Variants in LDB2 observed in about 807,000 individuals in gnomAD.
The protein encoded by LDB2 is LIM domain binding 2, also known as LIM domain-binding protein 2.
Under a neutral mutation model 44.3 loss-of-function variants are expected in LDB2, and 12 were observed. That is an observed-to-expected ratio of 0.27 (90% CI 0.17 to 0.44). The LOEUF (loss-of-function observed/expected upper bound fraction) is 0.44. LDB2 is among the 20% of genes least tolerant of loss of function. The pLI is 1.00. For missense variants in LDB2, 344 were observed against 473.5 expected (o/e 0.73, Z 2.54); for synonymous variants, 164 against 174.8 (o/e 0.94, Z 0.49).
chr4:16,795,388 C>A (rs1306699851), intron 1 of LDB2, among the ~76,000 whole-genome samples: 1 of 152,172 alleles, frequency 6.6e-6, no homozygotes, highest in East Asian at 1.9e-4. Flanking sequence ...CAGGAACGTG[C>A]AAGTGCAAGG....
At chr4:16,827,747 G>A (rs750764126) in intron 1 of LDB2, among the ~76,000 whole-genome samples, 2 of 152,120 alleles carry the variant, frequency 1.3e-5, no homozygotes, top group Non-Finnish European at 1.5e-5. Context: ...TTGCACATAT[G>A]TCTATGCTTT....
intron 2 of LDB2, among the ~76,000 whole-genome samples, chr4:16,668,389 A>T (rs1161675315): frequency 6.6e-6 from 1 of 152,166 alleles, no homozygotes; most frequent in African/African-American, 2.4e-5. Context: ...ACATAGCACA[A>T]GGTGAATCCC....
At chr4:16,839,573 G>A (rs550226336) in intron 1 of LDB2, among the ~76,000 whole-genome samples, 35 of 152,280 alleles carry the variant, frequency 2.3e-4, no homozygotes, top group African/African-American at 7.7e-4. Flanking sequence ...CTCATTCTAC[G>A]TGAGCAAACT....
chr4:16,869,317 A>C (rs1201461175), intron 1 of LDB2, among the ~76,000 whole-genome samples: 1 of 151,764 alleles, frequency 6.6e-6, no homozygotes, highest in Non-Finnish European at 1.5e-5. Context: ...AAAAAAAAAA[A>C]AACTCAGAAA....
intron 2 of LDB2, among the ~76,000 whole-genome samples, chr4:16,645,529 G>C (rs1266839251): frequency 8.1e-6 from 1 of 123,376 alleles, no homozygotes; most frequent in Non-Finnish European, 1.6e-5. Context: ...GGGCGACAGA[G>C]CGAGACTCCG....
At chr4:16,696,089 G>C (rs1219015850) in intron 2 of LDB2, among the ~76,000 whole-genome samples, 5 of 152,188 alleles carry the variant, frequency 3.3e-5, no homozygotes, top group Non-Finnish European at 7.3e-5. Context: ...TGCTGCAAAG[G>C]CCTTGGGGAG....
intron 2 of LDB2, among the ~76,000 whole-genome samples, chr4:16,621,747 C>T (rs559950475): frequency 3.1e-4 from 47 of 152,128 alleles, no homozygotes; most frequent in African/African-American, 1.1e-3. Context: ...TTTGTAGAGA[C>T]AAGGTCTTGT....
chr4:16,841,543 A>G (rs943080934), intron 1 of LDB2, among the ~76,000 whole-genome samples: 4 of 152,260 alleles, frequency 2.6e-5, no homozygotes, highest in African/African-American at 9.6e-5. Flanking sequence ...CCTTCAAATG[A>G]GAACATTACT....
chr4:16,536,486 A>G (rs560645698), intron 5 of LDB2, among the ~76,000 whole-genome samples: 3 of 152,178 alleles, frequency 2.0e-5, no homozygotes, highest in African/African-American at 7.2e-5. Flanking sequence ...TGGTGCCTCC[A>G]TTGGAAGTTG....
intron 2 of LDB2, among the ~76,000 whole-genome samples, chr4:16,720,252 G>C (rs2658511): frequency 6.6e-6 from 1 of 151,888 alleles, no homozygotes; most frequent in African/African-American, 2.4e-5. Context: ...TAGATAATGA[G>C]AGGTGGAGGG....
intron 2 of LDB2, among the ~76,000 whole-genome samples, chr4:16,603,627 G>T (rs1723153207): frequency 6.6e-6 from 1 of 151,958 alleles, no homozygotes; most frequent in Non-Finnish European, 1.5e-5. Context: ...TTTGCCCTCT[G>T]TATTACTCTT....
intron 2 of LDB2, among the ~76,000 whole-genome samples, chr4:16,655,442 T>C (rs1015105280): frequency 1.3e-5 from 2 of 152,050 alleles, no homozygotes; most frequent in African/African-American, 2.4e-5. Context: ...TGGGTGTAGA[T>C]GAGTGCAGCA....
chr4:16,864,997 G>A (rs1714183827), intron 1 of LDB2, among the ~76,000 whole-genome samples: 1 of 152,108 alleles, frequency 6.6e-6, no homozygotes, highest in Admixed American at 6.5e-5. Context: ...TATAATCCCA[G>A]CACTTCGGGA....
chr4:16,806,673 G>T (rs888157409), intron 1 of LDB2, among the ~76,000 whole-genome samples: 1 of 152,168 alleles, frequency 6.6e-6, no homozygotes, highest in Non-Finnish European at 1.5e-5. Flanking sequence ...GATCTTCAAG[G>T]CCATGGGACA....
chr4:16,539,762 G>A (rs34622625), intron 5 of LDB2, among the ~76,000 whole-genome samples: 12,076 of 152,056 alleles, frequency 0.079, 506 homozygotes, highest in South Asian at 0.16. Flanking sequence ...CAAATTCACT[G>A]AAAGTCCACC....
At chr4:16,508,412 C>G in intron 7 of LDB2, 123 bp downstream of exon 7, 1 of 887,962 alleles carries the variant, frequency 1.1e-6, no homozygotes, top group South Asian at 2.7e-5. Context: ...TTTTATCCCT[C>G]CCCCACCTCC....
chr4:16,644,178 T>C (rs897654115), intron 2 of LDB2, among the ~76,000 whole-genome samples: 1 of 151,972 alleles, frequency 6.6e-6, no homozygotes, highest in Non-Finnish European at 1.5e-5. Flanking sequence ...AGTGGGAGAG[T>C]GTGTGTGAGA....
chr4:16,755,569 A>C (rs1213419509), intron 2 of LDB2, among the ~76,000 whole-genome samples: 1 of 135,878 alleles, frequency 7.4e-6, no homozygotes, highest in African/African-American at 2.7e-5. Flanking sequence ...GAGAGAGAGC[A>C]AGCTGGCTTT....
At chr4:16,818,800 G>T (rs1781412057) in intron 1 of LDB2, among the ~76,000 whole-genome samples, 1 of 152,096 alleles carries the variant, frequency 6.6e-6, no homozygotes, top group South Asian at 2.1e-4. Flanking sequence ...TATTGTATAG[G>T]ACCATTGATG....
Sources: allele counts gnomAD v4.1 joint callset (sites outside exome capture counted in the v4.1 genomes callset), GRCh38; gene constraint gnomAD v4.1.1; transcripts MANE v1.5; gene names NCBI Gene and HGNC (gene_info 2026-07-23, HGNC 2026-07-21).